ARHGAP26: variants seen among roughly 807,000 people sequenced by gnomAD.
The protein encoded by ARHGAP26 is rho GTPase-activating protein 26.
In ARHGAP26, 38 loss-of-function variants were observed where a neutral mutation model predicts 104.8. That is an observed-to-expected ratio of 0.36 (90% CI 0.28 to 0.48). The LOEUF (loss-of-function observed/expected upper bound fraction) is 0.48, where lower values mean the gene tolerates loss of function less well. ARHGAP26 is among the 20% of genes least tolerant of loss of function. The pLI is 0.99. For synonymous variants in ARHGAP26, 341 were observed against 340.0 expected (o/e 1.00, Z -0.03); for missense variants, 704 against 947.9 (o/e 0.74, Z 3.38).
intron 17 of ARHGAP26, among the ~76,000 whole-genome samples, chr5:143,068,519 C>T (rs992311876): frequency 3.3e-5 from 5 of 152,202 alleles, no homozygotes; most frequent in Non-Finnish European, 7.3e-5. Context: ...AGCCGATTGA[C>T]TCCCCGTTGG....
chr5:143,116,211 A>AGTT (rs1213002633), intron 17 of ARHGAP26, among the ~76,000 whole-genome samples: 1 of 152,214 alleles, frequency 6.6e-6, no homozygotes, highest in Admixed American at 6.5e-5. Context: ...AAATGTAAAA[A>AGTT]GTTGTTGTAG....
intron 11 of ARHGAP26, among the ~76,000 whole-genome samples, chr5:142,948,288 G>C (rs772625174): frequency 1.2e-4 from 19 of 152,150 alleles, no homozygotes; most frequent in Non-Finnish European, 2.6e-4. Flanking sequence ...TTGTAACACT[G>C]TCTCTAGCAC....
intron 19 of ARHGAP26, among the ~76,000 whole-genome samples, chr5:143,142,134 CTTTTTTTTTT>C (rs762332039): frequency 9.5e-6 from 1 of 105,348 alleles, no homozygotes; most frequent in South Asian, 3.6e-4. Context: ...CTACTTTTCA[CTTTTTTTTTT>C]TTTTTTTTTT....
chr5:142,949,166 A>T (rs1767659047), intron 11 of ARHGAP26, among the ~76,000 whole-genome samples: 2 of 4,376 alleles, frequency 4.6e-4, no homozygotes, highest in African/African-American at 2.6e-3. Context: ...TTGAATTTCC[A>T]GAGAGAGAGA....
At position 142,873,819 on chromosome 5, in the gene ARHGAP26, A is replaced by G. The variant is rs962510556; in HGVS notation, c.250+324A>G. Among the ~76,000 whole-genome samples the G allele has an allele frequency of 5.3e-5, 8 of 152,194 alleles. No homozygotes were observed. The South Asian group carries it at 8.3e-4, about 16-fold the overall frequency. On this transcript the variant is annotated intron_variant, in intron 2 of 22. Coordinates refer to ENST00000645722, the MANE Select transcript of ARHGAP26 (RefSeq NM_001135608.3). Reference sequence around the variant, plus strand: ...AACCATAGTACTAAGAGCTTAGAGCATATGTAGAACACAGGTAGATGAGGG... The same window carrying G: ...AACCATAGTACTAAGAGCTTAGAGCGTATGTAGAACACAGGTAGATGAGGG...
chr5:142,779,563 A>G (rs578157544), intron 1 of ARHGAP26, among the ~76,000 whole-genome samples: 1 of 152,320 alleles, frequency 6.6e-6, no homozygotes, highest in African/African-American at 2.4e-5. Flanking sequence ...CTGCTGCCAC[A>G]CAGCAAAAGC....
chr5:142,857,892 C>T (rs191121208), intron 1 of ARHGAP26, among the ~76,000 whole-genome samples: 32 of 152,182 alleles, frequency 2.1e-4, no homozygotes, highest in Non-Finnish European at 3.5e-4. Flanking sequence ...AGGAATCATC[C>T]GGAGAGTTTA....
At chr5:143,194,035 C>T (rs1806392372) in intron 20 of ARHGAP26, 1 of 152,160 alleles carries the variant, frequency 6.6e-6, no homozygotes, top group Non-Finnish European at 1.5e-5. Context: ...GATCACATGC[C>T]TGCCCTGCAG....
At chr5:143,145,140 TCTC>T (rs1252062164) in intron 19 of ARHGAP26, among the ~76,000 whole-genome samples, 3 of 152,216 alleles carry the variant, frequency 2.0e-5, no homozygotes, top group Admixed American at 6.5e-5. Flanking sequence ...AGAAAAATAA[TCTC>T]CTGGTAACAT....
chr5:142,831,430 C>T (rs1768409286), intron 1 of ARHGAP26, among the ~76,000 whole-genome samples: 1 of 151,996 alleles, frequency 6.6e-6, no homozygotes, highest in African/African-American at 2.4e-5. Flanking sequence ...TTTCTGTGCT[C>T]AGTTCATTTA....
intron 17 of ARHGAP26, among the ~76,000 whole-genome samples, chr5:143,079,627 T>A (rs1466900043): frequency 6.6e-6 from 1 of 152,230 alleles, no homozygotes; most frequent in Non-Finnish European, 1.5e-5. Flanking sequence ...AACATGTTTT[T>A]AAATATATTT....
At chr5:143,056,157 C>G (rs2150275581) in intron 16 of ARHGAP26, 71 bp downstream of exon 16, 2 of 1,320,992 alleles carry the variant, frequency 1.5e-6, no homozygotes, top group Non-Finnish European at 2.2e-6. Flanking sequence ...AGTCAGTATC[C>G]CAAAATAAAT....
chr5:142,909,362 T>A (rs1761537138), intron 9 of ARHGAP26, among the ~76,000 whole-genome samples: 2 of 152,124 alleles, frequency 1.3e-5, no homozygotes. Flanking sequence ...TGAGTTTGCG[T>A]GTGTGTGGGC....
chr5:143,048,835 A>G (rs1343783669), intron 14 of ARHGAP26, among the ~76,000 whole-genome samples: 1 of 150,926 alleles, frequency 6.6e-6, no homozygotes, highest in Admixed American at 6.6e-5. Context: ...AATCGCTTGA[A>G]CGTGGGAGGT....
chr5:142,951,434 A>G (rs1268313838), intron 11 of ARHGAP26, among the ~76,000 whole-genome samples: 1 of 152,200 alleles, frequency 6.6e-6, no homozygotes, highest in Non-Finnish European at 1.5e-5. Flanking sequence ...GAAAAGAGGA[A>G]GCACCAATAT....
At chr5:143,156,811 G>A (rs925934851) in intron 20 of ARHGAP26, among the ~76,000 whole-genome samples, 3 of 152,232 alleles carry the variant, frequency 2.0e-5, no homozygotes, top group Admixed American at 2.0e-4. Flanking sequence ...TAGCTGAGGA[G>A]GGATGGGTTT....
intron 20 of ARHGAP26, among the ~76,000 whole-genome samples, chr5:143,184,478 G>A (rs1437910893): frequency 1.3e-5 from 2 of 152,138 alleles, no homozygotes; most frequent in Admixed American, 6.5e-5. Context: ...CTGTGTGTGT[G>A]CAGCATGTGT....
intron 18 of ARHGAP26, among the ~76,000 whole-genome samples, chr5:143,124,511 C>T (rs1206809599): frequency 6.6e-6 from 1 of 152,140 alleles, no homozygotes; most frequent in African/African-American, 2.4e-5. Flanking sequence ...CCAAGGTGGC[C>T]TCACTCCACA....
At chr5:143,048,681 C>T (rs1207319580) in intron 14 of ARHGAP26, among the ~76,000 whole-genome samples, 2 of 151,590 alleles carry the variant, frequency 1.3e-5, no homozygotes, top group African/African-American at 2.4e-5. Flanking sequence ...TTTGGGAGGC[C>T]GAGGAGGGCG....
Sources: allele counts gnomAD v4.1 joint callset (sites outside exome capture counted in the v4.1 genomes callset), GRCh38; gene constraint gnomAD v4.1.1; transcripts MANE v1.5; gene names NCBI Gene and HGNC (gene_info 2026-07-23, HGNC 2026-07-21).